TECPR1: variants seen among roughly 807,000 people sequenced by gnomAD.
The protein encoded by TECPR1 is tectonin beta-propeller repeat-containing protein 1.
Under a neutral mutation model 162.4 loss-of-function variants are expected in TECPR1, and 122 were observed. That is an observed-to-expected ratio of 0.75 (90% CI 0.65 to 0.87). The LOEUF (loss-of-function observed/expected upper bound fraction) is 0.87, where lower values mean the gene tolerates loss of function less well. TECPR1 is among the 40% of genes least tolerant of loss of function. TECPR1 has a pLI of 0.00. For missense variants in TECPR1, 1,432 were observed against 1,618.2 expected, an observed-to-expected ratio of 0.88 and a Z score of 1.97; for synonymous variants, 642 against 670.6, an observed-to-expected ratio of 0.96 and a Z score of 0.66.
chr7:98,240,972 C>G (rs1798731030), intron 7 of TECPR1, 21 bp from the exon 8 acceptor site: 14 of 1,592,416 alleles, frequency 8.8e-6, no homozygotes, highest in Non-Finnish European at 1.2e-5. Flanking sequence ...CCCAAGAAAC[C>G]CCCAGTGGCC....
intron 3 of TECPR1, 138 bp from the exon 4 acceptor site, chr7:98,245,205 G>C (rs1311009850): frequency 3.2e-6 from 3 of 930,676 alleles, no homozygotes; most frequent in Admixed American, 4.5e-5. Flanking sequence ...AGTGAGCAGA[G>C]GGCCTGTGTG....
rs566836665 is a variant in TECPR1, at chr7:98,229,051, C to T, written c.2398G>A (p.Gly800Ser). Residue 800 changes from glycine (G) to serine (S), a missense_variant, in exon 16 of 26, where the codon GGC (glycine) becomes AGC (serine). Gly to Ser is a moderately conservative substitution (Grantham distance 56). Transcript: ENST00000447648. ...AWVYTGGYGG[G>S]CFQGLASSTS... ...GGGCCGCCCTCACCTTGGAAGCAGCCGCCTCCATAGCCGCCTGTGTATACC... is the reference window on the plus strand; with the variant it reads ...GGGCCGCCCTCACCTTGGAAGCAGCTGCCTCCATAGCCGCCTGTGTATACC... 2.3e-5 allele frequency: 37 copies of T among 1,598,756 alleles called. No individual in the cohort carries two copies. Among genetic ancestry groups the T allele is most frequent in the Admixed American group, 8.6e-5 (5 of 58,106 alleles).
At chr7:98,217,628 C>T (rs1327750300) in intron 25 of TECPR1, 64 bp downstream of exon 25, 10 of 1,519,148 alleles carry the variant, frequency 6.6e-6, no homozygotes, top group South Asian at 3.7e-5. Flanking sequence ...GTGGTCGTCC[C>T]GTCTTCAGCA....
At chr7:98,219,383 AG>A (rs1303387409) in intron 23 of TECPR1, among the ~76,000 whole-genome samples, 1 of 152,228 alleles carries the variant, frequency 6.6e-6, no homozygotes, top group Non-Finnish European at 1.5e-5. Context: ...ACAAAAATAA[AG>A]GAGCCCTAAT....
intron 12 of TECPR1, 39 bp from the exon 13 acceptor site, chr7:98,231,998 C>G (rs1299983479): frequency 6.4e-7 from 1 of 1,562,516 alleles, no homozygotes; most frequent in Non-Finnish European, 8.6e-7. Flanking sequence ...CACAGGCAGG[C>G]CCGGGGTGCC....
intron 11 of TECPR1, 145 bp from the exon 12 acceptor site, chr7:98,233,117 T>A (rs11770798): frequency 0.99 from 972,394 of 979,450 alleles, 483,025 homozygotes; most frequent in East Asian, 1. Flanking sequence ...CTTTGCCCTG[T>A]TGGATGAGTT....
At chr7:98,244,498 G>T in intron 5 of TECPR1, 73 bp downstream of exon 5, 1 of 1,528,620 alleles carries the variant, frequency 6.5e-7, no homozygotes, top group Non-Finnish European at 8.8e-7. Flanking sequence ...GGTGGGGAAG[G>T]TGGAGAGGAG....
At chr7:98,248,471 G>A (rs1251138938) in intron 2 of TECPR1, among the ~76,000 whole-genome samples, 5 of 150,794 alleles carry the variant, frequency 3.3e-5, no homozygotes, top group East Asian at 2.0e-4. Flanking sequence ...CCAGACGGCC[G>A]GGTGACTGTG....
At chr7:98,228,321 G>T (rs910107908) in intron 16 of TECPR1, among the ~76,000 whole-genome samples, 16 of 152,082 alleles carry the variant, frequency 1.1e-4, no homozygotes, top group African/African-American at 3.6e-4. Flanking sequence ...GATTATTCTG[G>T]GATTGTGCAA....
At chr7:98,228,601 A>G (rs1246943732) in intron 16 of TECPR1, 2 of 210,652 alleles carry the variant, frequency 9.5e-6, no homozygotes, top group Non-Finnish European at 2.0e-5. Context: ...AGGGGACCAC[A>G]GTTCTCTGGG....
intron 23 of TECPR1, among the ~76,000 whole-genome samples, chr7:98,219,760 G>A (rs912098256): frequency 2.6e-5 from 4 of 151,476 alleles, no homozygotes; most frequent in Non-Finnish European, 5.9e-5. Context: ...AATTAGCCGG[G>A]TGTGTTGGTG....
At position 98,243,593 on chromosome 7, in the gene TECPR1, C is replaced by G; in HGVS notation, c.532-1G>C. On this transcript the variant is annotated splice_acceptor_variant, in intron 5 of 25. Transcript: ENST00000447648. LOFTEE classifies it high-confidence loss of function. ...CCTTGGGGTCATCCTTCGAGGGGAT[C>G]TGAAGGAAGGAAGTGAGAAATGGTA... is the stretch of plus-strand genomic sequence containing the variant. 1 of 1,611,434 alleles carries G rather than the reference C, an allele frequency of 6.2e-7. No individual in the cohort carries two copies. The highest frequency in any genetic ancestry group is 8.5e-7 in the Non-Finnish European group (1 of 1,179,028).
Position 98,233,658 on chromosome 7 carries a change from C to A in TECPR1, c.1435G>T (p.Ala479Ser). Reference sequence around the variant, plus strand: ...CAGGGCAGCTCGGCCGGGGTGGGGGCCGGGCCGGGGTGCGTGTTGGGTCTG... The same window carrying A: ...CAGGGCAGCTCGGCCGGGGTGGGGGACGGGCCGGGGTGCGTGTTGGGTCTG... ...EARPNTHPGP[A>S]PTPAELPWTN... Residue 479 changes from alanine (A) to serine (S), a missense_variant, in exon 11 of 26, where the codon GCC (alanine) becomes TCC (serine). Ala to Ser is a moderately conservative substitution (Grantham distance 99, BLOSUM62 1). Coordinates refer to ENST00000447648, the MANE Select transcript of TECPR1 (RefSeq NM_015395.3). 6.3e-7 allele frequency: 1 copy of A among 1,595,054 alleles called. No homozygotes were observed. Among genetic ancestry groups the A allele is most frequent in the Non-Finnish European group, 8.6e-7 (1 of 1,169,010 alleles).
At chr7:98,238,429 G>T in intron 9 of TECPR1, 80 bp downstream of exon 9, 1 of 1,171,268 alleles carries the variant, frequency 8.5e-7, no homozygotes, top group Non-Finnish European at 1.2e-6. Context: ...GTGGGAAGCG[G>T]CCACTAGGCT....
intron 6 of TECPR1, among the ~76,000 whole-genome samples, chr7:98,242,209 G>A (rs1223048793): frequency 1.3e-5 from 2 of 152,202 alleles, no homozygotes; most frequent in Admixed American, 6.5e-5. Context: ...TAAGCCCACT[G>A]GGGAGCTGTG....
intron 17 of TECPR1, among the ~76,000 whole-genome samples, chr7:98,225,439 G>T (rs1179216004): frequency 6.6e-6 from 1 of 152,124 alleles, no homozygotes; most frequent in Non-Finnish European, 1.5e-5. Context: ...GGAGGCTGAG[G>T]CAGGGGAATC....
At position 98,232,852 on chromosome 7, in the gene TECPR1, CTG is replaced by C; in HGVS notation, c.1791_1792del (p.Phe597LeufsTer69). 6.2e-7 allele frequency: 1 copy of C among 1,610,962 alleles called. No individual in the cohort carries two copies. The highest frequency in any genetic ancestry group is 8.5e-7 in the Non-Finnish European group (1 of 1,179,112). On this transcript the variant is annotated frameshift_variant, in exon 12 of 26. Coordinates refer to ENST00000447648, the MANE Select transcript of TECPR1 (RefSeq NM_015395.3). LOFTEE classifies it high-confidence loss of function. The surrounding 1 kb of genome is among the most constrained non-coding windows in gnomAD (Gnocchi z 4.6). ...CTGCTCCACGGCCTGCTCGTAGTGT[CTG>C]AAGTTCTCCAGCTCCCGCTTGGTCC...
intron 23 of TECPR1, among the ~76,000 whole-genome samples, 165 bp from the exon 24 acceptor site, chr7:98,218,207 T>G (rs1798063862): frequency 6.6e-6 from 1 of 152,160 alleles, no homozygotes; most frequent in Non-Finnish European, 1.5e-5. Flanking sequence ...CACAGCCTCC[T>G]CCGCTTCTCC....
intron 17 of TECPR1, among the ~76,000 whole-genome samples, chr7:98,227,444 T>C (rs934981014): frequency 4.6e-5 from 7 of 151,678 alleles, no homozygotes; most frequent in Admixed American, 2.0e-4. Flanking sequence ...CTTTCTTCTA[T>C]CTCTGGTGCT....
Sources: allele counts gnomAD v4.1 joint callset (sites outside exome capture counted in the v4.1 genomes callset), GRCh38; gene constraint gnomAD v4.1.1; non-coding constraint Gnocchi (gnomAD v3.1); transcripts MANE v1.5; gene names NCBI Gene and HGNC (gene_info 2026-07-23, HGNC 2026-07-21).